Variants in ARHGAP31 observed in about 807,000 individuals in gnomAD.
The protein encoded by ARHGAP31 is rho GTPase-activating protein 31.
In ARHGAP31, 34 loss-of-function variants were observed where a neutral mutation model predicts 113.9. The ratio of observed to expected loss-of-function variants is 0.30; its 90% confidence interval spans 0.23 to 0.40. ARHGAP31 has a LOEUF of 0.40. Among genes scored for constraint, ARHGAP31 ranks in the 10% least tolerant of loss-of-function variants. The pLI, the probability that ARHGAP31 is intolerant of heterozygous loss-of-function variation, is 1.00. For missense variants in ARHGAP31, 1,548 were observed against 1,767.1 expected (o/e 0.88, Z 2.22); for synonymous variants, 650 against 684.8 (o/e 0.95, Z 0.79).
intron 1 of ARHGAP31, among the ~76,000 whole-genome samples, chr3:119,321,536 C>CTG (rs901096165): frequency 1.3e-5 from 2 of 149,592 alleles, no homozygotes; most frequent in Admixed American, 1.3e-4. Flanking sequence ...TGTGATTACA[C>CTG]TGTGTGTGTG....
chr3:119,365,282 ATACT>A, intron 1 of ARHGAP31, 30 bp from the exon 2 acceptor site: 2 of 1,561,254 alleles, frequency 1.3e-6, no homozygotes, highest in Non-Finnish European at 1.8e-6. Flanking sequence ...CTTACATCTA[ATACT>A]TAATTGTTTT....
intron 3 of ARHGAP31, among the ~76,000 whole-genome samples, 171 bp downstream of exon 3, chr3:119,368,687 G>A (rs1329879317): frequency 6.6e-6 from 1 of 152,194 alleles, no homozygotes; most frequent in Non-Finnish European, 1.5e-5. Flanking sequence ...GGAATTGTTT[G>A]CTAAATTTTT....
chr3:119,407,917 T>TA (rs1461050402), intron 10 of ARHGAP31, among the ~76,000 whole-genome samples: 2 of 152,176 alleles, frequency 1.3e-5, no homozygotes, highest in Non-Finnish European at 2.9e-5. Flanking sequence ...TTCTCCAGAA[T>TA]AAAAAATTGC....
At chr3:119,367,003 G>A (rs1376368968) in intron 2 of ARHGAP31, among the ~76,000 whole-genome samples, 1 of 151,964 alleles carries the variant, frequency 6.6e-6, no homozygotes, top group Non-Finnish European at 1.5e-5. Flanking sequence ...TCGGGAGGCT[G>A]AGGCAGAAGA....
chr3:119,405,424 A>G (rs1269326523), intron 10 of ARHGAP31, among the ~76,000 whole-genome samples: 1 of 152,194 alleles, frequency 6.6e-6, no homozygotes, highest in African/African-American at 2.4e-5. Flanking sequence ...GCATGGTCAG[A>G]GTAGGCTCAC....
intron 1 of ARHGAP31, among the ~76,000 whole-genome samples, chr3:119,321,283 A>ATATATATAC (rs2079782577): frequency 6.9e-6 from 1 of 145,854 alleles, no homozygotes; most frequent in African/African-American, 2.5e-5. Flanking sequence ...TATATACTAT[A>ATATATATAC]TATATATATA....
At chr3:119,335,429 T>A (rs1274548052) in intron 1 of ARHGAP31, among the ~76,000 whole-genome samples, 1 of 152,184 alleles carries the variant, frequency 6.6e-6, no homozygotes, top group Non-Finnish European at 1.5e-5. Flanking sequence ...AAGCCAAGTT[T>A]TGGAGAACCC....
At chr3:119,368,559 T>C (rs1394718117) in intron 3 of ARHGAP31, 43 bp downstream of exon 3, 4 of 1,610,256 alleles carry the variant, frequency 2.5e-6, no homozygotes, top group African/African-American at 1.3e-5. Context: ...GTGGGATGCA[T>C]GGATGGGCCA....
Position 119,419,773 on chromosome 3 carries a change from A to G in ARHGAP31, c.*3509A>G, listed in dbSNP as rs944574677. ...ATCCAATAGAACATCCCAGTGAGAC[A>G]CTCGGGTATTTGAGAACTTTGCTTG... On this transcript the variant is annotated 3_prime_UTR_variant, in exon 12 of 12. Coordinates refer to ENST00000264245, the MANE Select transcript of ARHGAP31 (RefSeq NM_020754.4). 1.3e-5 allele frequency: 2 copies of G among 152,184 alleles called. No homozygotes were observed. Among genetic ancestry groups the G allele is most frequent in the African/African-American group, 4.8e-5 (2 of 41,446 alleles). 9.4% of individuals were successfully genotyped at this position (152,184 alleles called of 1,614,324 possible). A position where few individuals can be genotyped will look rare whatever the true frequency, so the allele number is the denominator to read the frequency against.
At chr3:119,382,971 T>G in intron 5 of ARHGAP31, 113 bp from the exon 6 acceptor site, 1 of 1,333,326 alleles carries the variant, frequency 7.5e-7, no homozygotes, top group Non-Finnish European at 1.1e-6. Flanking sequence ...AAATATTCTA[T>G]GAACTGTATC....
At chr3:119,359,880 C>T (rs1017416482) in intron 1 of ARHGAP31, among the ~76,000 whole-genome samples, 3 of 152,286 alleles carry the variant, frequency 2.0e-5, no homozygotes, top group South Asian at 2.1e-4. Context: ...CCCTCTCTCC[C>T]GTGTGCATCG....
rs780237442 is a variant in ARHGAP31, at chr3:119,415,603, G to A, written c.3674G>A (p.Gly1225Glu). 1 of 1,614,094 alleles carries A rather than the reference G, an allele frequency of 6.2e-7. No homozygotes were observed. The highest frequency in any genetic ancestry group is 8.5e-7 in the Non-Finnish European group (1 of 1,180,020). ...CCCTCTCAGAGCTCAGGGGAGAATG[G>A]GGTTCAGCCTCTGGAGAGGAGCCAG... Reference protein sequence around the residue: ...PLPSQSSGENGVQPLERSQEG... With the variant: ...PLPSQSSGENEVQPLERSQEG... Residue 1225 changes from glycine (G) to glutamate (E), a missense_variant, in exon 12 of 12, where the codon GGG (glycine) becomes GAG (glutamate). By Grantham distance (98) the Gly-to-Glu change is moderately conservative (BLOSUM62 -2). Transcript: ENST00000264245.
chr3:119,398,691 AGCACCCAGCCT>A (rs1012476795), intron 8 of ARHGAP31, among the ~76,000 whole-genome samples: 19 of 152,296 alleles, frequency 1.2e-4, no homozygotes, highest in Non-Finnish European at 2.5e-4. Context: ...ATCACTGGGG[AGCACCCAGCCT>A]GCAGGCCTCA....
intron 11 of ARHGAP31, among the ~76,000 whole-genome samples, chr3:119,410,152 C>G (rs891359107): frequency 6.6e-6 from 1 of 152,202 alleles, no homozygotes; most frequent in African/African-American, 2.4e-5. Flanking sequence ...CAGAGTCCAG[C>G]CTTCTTCTTC....
At chr3:119,373,081 C>T (rs1454359203) in intron 3 of ARHGAP31, among the ~76,000 whole-genome samples, 1 of 151,770 alleles carries the variant, frequency 6.6e-6, no homozygotes, top group Non-Finnish European at 1.5e-5. Context: ...ACCATAAAAG[C>T]AAAGGAAAAA....
At chr3:119,395,474 T>G (rs2080543076) in intron 8 of ARHGAP31, among the ~76,000 whole-genome samples, 1 of 152,224 alleles carries the variant, frequency 6.6e-6, no homozygotes, top group South Asian at 2.1e-4. Flanking sequence ...GTCAGCTTCA[T>G]CCCCAGACTG....
intron 3 of ARHGAP31, among the ~76,000 whole-genome samples, chr3:119,378,490 A>G (rs2080367685): frequency 1.3e-5 from 2 of 152,078 alleles, no homozygotes; most frequent in Admixed American, 1.3e-4. Flanking sequence ...GGAACTTTCC[A>G]TGAGGGTTGT....
rs142087100 is a variant in ARHGAP31, at chr3:119,334,794, T to C, written c.101-30522T>C. Among the ~76,000 whole-genome samples, 9 of 152,352 alleles carry C rather than the reference T, an allele frequency of 5.9e-5. No individual in the cohort carries two copies. In the East Asian group the frequency reaches 1.3e-3, roughly 23 times the overall value. On this transcript the variant is annotated intron_variant, in intron 1 of 11. Transcript: ENST00000264245. ...ATTCATTTAATTCTTACAATAATCC[T>C]ATATGTGTAATGTTGCCCTTATTTT...
intron 10 of ARHGAP31, 138 bp downstream of exon 10, chr3:119,402,535 T>C: frequency 1.1e-6 from 1 of 921,634 alleles, no homozygotes; most frequent in Non-Finnish European, 1.7e-6. Flanking sequence ...ATCCACGCTC[T>C]GCCATTTTAC....
Sources: gnomAD v4.1 joint callset for allele counts (sites outside exome capture counted in the v4.1 genomes callset) on GRCh38, gnomAD v4.1.1 for gene constraint, MANE v1.5 for transcripts, NCBI Gene and HGNC (gene_info 2026-07-23, HGNC 2026-07-21) for gene names.